The following AGPS variants were observed in gnomAD, a reference collection of about 807,000 sequenced individuals.
AGPS encodes the protein alkylglycerone phosphate synthase.
Under a neutral mutation model 90.7 loss-of-function variants are expected in AGPS, and 26 were observed. The observed-to-expected ratio is 0.29, with a 90% CI of 0.21 to 0.40. The LOEUF (loss-of-function observed/expected upper bound fraction) is 0.40, where lower values mean the gene tolerates loss of function less well. AGPS is among the 10% of genes least tolerant of loss of function. AGPS has a pLI of 1.00. For synonymous variants in AGPS, 294 were observed against 285.3 expected (o/e 1.03, Z -0.31); for missense variants, 540 against 816.1 (o/e 0.66, Z 4.12).
At chr2:177,464,589 T>C (rs1159746060) in intron 9 of AGPS, among the ~76,000 whole-genome samples, 2 of 152,266 alleles carry the variant, frequency 1.3e-5, no homozygotes, top group African/African-American at 4.8e-5. Context: ...TCTTAAATTC[T>C]GGTTCCCACT....
chr2:177,532,666 ATT>A (rs2079148842), intron 19 of AGPS, among the ~76,000 whole-genome samples: 1 of 152,184 alleles, frequency 6.6e-6, no homozygotes, highest in Non-Finnish European at 1.5e-5. Flanking sequence ...TAACATAAAT[ATT>A]CATAGCAGCT....
intron 11 of AGPS, among the ~76,000 whole-genome samples, chr2:177,486,094 CA>C (rs1407677302): frequency 3.3e-5 from 5 of 152,298 alleles, no homozygotes; most frequent in African/African-American, 9.6e-5. Context: ...TTTAGAAATA[CA>C]AATATTATGG....
At chr2:177,434,997 G>GGGTATATATATATATATATATATA (rs36151985) in intron 3 of AGPS, among the ~76,000 whole-genome samples, 12 of 128,128 alleles carry the variant, frequency 9.4e-5, no homozygotes, top group African/African-American at 1.5e-4. Flanking sequence ...TAAACTGTAG[G>GGGTATATATATATATATATATATA]TATATATATA....
intron 1 of AGPS, among the ~76,000 whole-genome samples, chr2:177,405,013 G>A (rs1052634687): frequency 6.6e-6 from 1 of 152,210 alleles, no homozygotes; most frequent in Non-Finnish European, 1.5e-5. Context: ...GTACAGGGGT[G>A]CCAAAGAACC....
chr2:177,493,641 G>A (rs1322096931), intron 12 of AGPS, among the ~76,000 whole-genome samples: 1 of 152,184 alleles, frequency 6.6e-6, no homozygotes, highest in Non-Finnish European at 1.5e-5. Context: ...CAAATAGAGG[G>A]TGGGGTTAGA....
chr2:177,511,478 G>C (rs1688870536), intron 16 of AGPS, among the ~76,000 whole-genome samples: 1 of 151,974 alleles, frequency 6.6e-6, no homozygotes, highest in Non-Finnish European at 1.5e-5. Context: ...AGATAGTATG[G>C]AGTGAAGGAA....
intron 18 of AGPS, 117 bp downstream of exon 18, chr2:177,521,485 G>A: frequency 1.2e-6 from 1 of 869,462 alleles, no homozygotes; most frequent in South Asian, 1.4e-5. Context: ...TTGCCTAGCT[G>A]TTAGCCCTTA....
intron 8 of AGPS, among the ~76,000 whole-genome samples, chr2:177,455,125 G>GAGGAA (rs2105656584): frequency 6.6e-6 from 1 of 152,208 alleles, no homozygotes; most frequent in South Asian, 2.1e-4. Context: ...TAATCCATCT[G>GAGGAA]GAGTATATCT....
intron 2 of AGPS, among the ~76,000 whole-genome samples, chr2:177,427,885 A>G (rs1446377109): frequency 6.6e-6 from 1 of 151,902 alleles, no homozygotes; most frequent in Non-Finnish European, 1.5e-5. Flanking sequence ...AATATCTTTT[A>G]ATTTTCTGTC....
At chr2:177,450,656 A>G (rs574442914) in intron 8 of AGPS, among the ~76,000 whole-genome samples, 3 of 152,132 alleles carry the variant, frequency 2.0e-5, no homozygotes, top group African/African-American at 7.2e-5. Flanking sequence ...TGCTAATACT[A>G]TACTGTTTGG....
At chr2:177,455,839 A>G (rs1163253464) in intron 8 of AGPS, among the ~76,000 whole-genome samples, 1 of 151,688 alleles carries the variant, frequency 6.6e-6, no homozygotes, top group Non-Finnish European at 1.5e-5. Context: ...AAGCACCATA[A>G]TTTAGGGATT....
At chr2:177,493,528 T>A (rs906705047) in intron 12 of AGPS, among the ~76,000 whole-genome samples, 1 of 152,156 alleles carries the variant, frequency 6.6e-6, no homozygotes, top group African/African-American at 2.4e-5. Context: ...TGCCTAGATG[T>A]CTCTTCTTCT....
chr2:177,474,503 CA>C (rs1559062934), intron 10 of AGPS, among the ~76,000 whole-genome samples: 2 of 152,206 alleles, frequency 1.3e-5, no homozygotes, highest in African/African-American at 4.8e-5. Flanking sequence ...GACTGTACCC[CA>C]CTCTTCCAGT....
At chr2:177,424,258 C>T (rs1363231765) in intron 2 of AGPS, among the ~76,000 whole-genome samples, 2 of 152,136 alleles carry the variant, frequency 1.3e-5, no homozygotes, top group African/African-American at 4.8e-5. Flanking sequence ...TAATGGCTTC[C>T]AGCTCTATCC....
At chr2:177,528,675 TTGTCAC>T (rs1300426484) in intron 19 of AGPS, among the ~76,000 whole-genome samples, 1 of 152,140 alleles carries the variant, frequency 6.6e-6, no homozygotes, top group Admixed American at 6.5e-5. Flanking sequence ...TTTATCTTGT[TTGTCAC>T]TGTATTTCTC....
At chr2:177,400,998 A>AT (rs1685315058) in intron 1 of AGPS, among the ~76,000 whole-genome samples, 1 of 152,228 alleles carries the variant, frequency 6.6e-6, no homozygotes, top group South Asian at 2.1e-4. Flanking sequence ...CACATATACT[A>AT]TGGAGTGGAT....
At chr2:177,535,181 T>A (rs1194468617) in intron 19 of AGPS, among the ~76,000 whole-genome samples, 1 of 152,160 alleles carries the variant, frequency 6.6e-6, no homozygotes. Flanking sequence ...AAAAGAAGAA[T>A]AGGCTTTATG....
chr2:177,470,444 C>CT (rs1321407554), intron 10 of AGPS, among the ~76,000 whole-genome samples: 1 of 152,064 alleles, frequency 6.6e-6, no homozygotes, highest in African/African-American at 2.4e-5. Context: ...TGGCTCACAC[C>CT]TGTAATCCCA....
chr2:177,468,405 G>T lies in AGPS; in HGVS notation c.997-11G>T. Reference sequence around the variant, plus strand: ...ATGTCTAGAATTTACATCGTGTATTGTATTAAACAGGTGGTTCATATAAAA... The same window carrying T: ...ATGTCTAGAATTTACATCGTGTATTTTATTAAACAGGTGGTTCATATAAAA... On this transcript the variant is annotated splice_polypyrimidine_tract_variant and intron_variant, in intron 9 of 19. Transcript: ENST00000264167. The T allele has an allele frequency of 2.0e-6, 3 of 1,507,966 alleles. No homozygotes were observed. The highest frequency in any genetic ancestry group is 2.8e-6 in the Non-Finnish European group (3 of 1,085,178). 93.4% of individuals were successfully genotyped at this position (1,507,966 alleles called of 1,614,324 possible). A position where few individuals can be genotyped will look rare whatever the true frequency, so the allele number is the denominator to read the frequency against.
Sources: gnomAD v4.1 joint callset for allele counts (sites outside exome capture counted in the v4.1 genomes callset) on GRCh38, gnomAD v4.1.1 for gene constraint, MANE v1.5 for transcripts, NCBI Gene and HGNC (gene_info 2026-07-23, HGNC 2026-07-21) for gene names.